Variants in EML1 observed in about 807,000 individuals in gnomAD.
EML1 encodes the protein EMAP like 1, also known as echinoderm microtubule-associated protein-like 1.
EML1 carries 27 observed loss-of-function variants against 110.4 expected under a neutral mutation model. That is an observed-to-expected ratio of 0.24 (90% confidence interval 0.18 to 0.34). EML1 has a LOEUF of 0.34. Ranked by LOEUF, EML1 falls within the 10% of genes least tolerant of loss-of-function variation. EML1 has a pLI of 1.00. For synonymous variants in EML1, 344 were observed against 385.8 expected (o/e 0.89, Z 1.27); for missense variants, 741 against 1,030.9 (o/e 0.72, Z 3.85).
chr14:99,836,660 G>T (rs1292313641), intron 1 of EML1, among the ~76,000 whole-genome samples: 1 of 152,014 alleles, frequency 6.6e-6, no homozygotes, highest in East Asian at 1.9e-4. Flanking sequence ...ATTTATTTTG[G>T]GTCATATTTT....
At chr14:99,759,394 A>T (rs2057290063) in intron 1 of EML1, among the ~76,000 whole-genome samples, 2 of 152,008 alleles carry the variant, frequency 1.3e-5, no homozygotes, top group Non-Finnish European at 2.9e-5. Context: ...GTCCAGCTGC[A>T]CTCACCATCT....
intron 1 of EML1, among the ~76,000 whole-genome samples, chr14:99,818,225 C>T (rs541983813): frequency 2.0e-5 from 3 of 152,042 alleles, no homozygotes; most frequent in South Asian, 4.1e-4. Context: ...ATCAAATCTG[C>T]ACTTTGGAAG....
At chr14:99,874,189 T>A (rs1174864534) in intron 3 of EML1, among the ~76,000 whole-genome samples, 1 of 152,248 alleles carries the variant, frequency 6.6e-6, no homozygotes, top group Non-Finnish European at 1.5e-5. Context: ...CCAGTCTCCC[T>A]GCAGAAATTT....
chr14:99,755,620 C>A (rs1461371224), intron 1 of EML1, among the ~76,000 whole-genome samples: 1 of 152,138 alleles, frequency 6.6e-6, no homozygotes. Flanking sequence ...GGCTGTGTGG[C>A]GCTGGACCAG....
chr14:99,832,538 GTCTTTTTATTTTCAGACCT>G (rs1354666284), intron 1 of EML1, among the ~76,000 whole-genome samples: 1 of 152,174 alleles, frequency 6.6e-6, no homozygotes, highest in Non-Finnish European at 1.5e-5. Flanking sequence ...GGTGTGGTCG[GTCTTTTTATTTTCAGACCT>G]TCTAACGGGC....
chr14:99,781,211 G>A lies in EML1; in HGVS notation c.-27+7198G>A, dbSNP rs187206941. 3.0e-3 allele frequency among the ~76,000 whole-genome samples: 461 copies of A among 152,048 alleles called. 4 individuals carry two copies. Among genetic ancestry groups the A allele is most frequent in the African/African-American group, 0.01 (435 of 41,436 alleles). On this transcript the variant is annotated intron_variant, in intron 1 of 22. Coordinates refer to the EML1 transcript ENST00000327921. This position sits in a 1 kb window ranked among gnomAD's most constrained non-coding sequence, Gnocchi z 4.2. ...TCTAATTCTTTCCTCCTCCCATCAA[G>A]TGTGCTTGGCTCTTCCCCTCCTGAC... is the stretch of plus-strand genomic sequence containing the variant.
At chr14:99,782,536 G>A (rs914072739) in intron 1 of EML1, among the ~76,000 whole-genome samples, 14 of 152,194 alleles carry the variant, frequency 9.2e-5, no homozygotes, top group Non-Finnish European at 1.3e-4. Flanking sequence ...CGAAATGTGT[G>A]AGCCCAGGGT....
chr14:99,772,728 A>G (rs1285226327), upstream of EML1, among the ~76,000 whole-genome samples: 1 of 152,228 alleles, frequency 6.6e-6, no homozygotes, highest in Non-Finnish European at 1.5e-5. Flanking sequence ...TCATATCTAC[A>G]TATAGTATTA....
chr14:99,808,546 T>C (rs2058019734), intron 1 of EML1, among the ~76,000 whole-genome samples: 1 of 152,196 alleles, frequency 6.6e-6, no homozygotes, highest in African/African-American at 2.4e-5. Context: ...TATACGTATT[T>C]AGTGAAAAAC....
intron 1 of EML1, 49 bp downstream of exon 1, chr14:99,793,592 C>T: frequency 3.0e-6 from 3 of 990,338 alleles, no homozygotes; most frequent in Non-Finnish European, 3.6e-6. Context: ...TGGTGGCGGG[C>T]GGCGGCGACG....
chr14:99,874,676 G>GT (rs1406020235), intron 3 of EML1, among the ~76,000 whole-genome samples: 1 of 151,512 alleles, frequency 6.6e-6, no homozygotes, highest in African/African-American at 2.4e-5. Flanking sequence ...GAAATGTCTT[G>GT]TTTTTTATTC....
At chr14:99,823,583 A>G (rs74084773) in intron 1 of EML1, among the ~76,000 whole-genome samples, 11,713 of 152,130 alleles carry the variant, frequency 0.077, 812 homozygotes, top group African/African-American at 0.18. Flanking sequence ...AAGTGCTAGA[A>G]CGTGTTCATT....
intron 1 of EML1, among the ~76,000 whole-genome samples, chr14:99,843,424 AAAC>A (rs59818798): frequency 1.3e-5 from 2 of 151,620 alleles, no homozygotes; most frequent in Admixed American, 1.3e-4. Context: ...TTTTTATTGG[AAAC>A]AACAATAGTA....
intron 17 of EML1, among the ~76,000 whole-genome samples, chr14:99,927,762 GATA>G (rs1404975256): frequency 1.8e-5 from 2 of 109,904 alleles, no homozygotes; most frequent in Admixed American, 1.2e-4. Context: ...CAGTGGTGGT[GATA>G]GTAGTGGTGG....
rs537562274 is a variant in EML1 at position 99,841,797 on chromosome 14, C to T, written c.68-9056C>T. On this transcript the variant is annotated intron_variant, in intron 1 of 21. Coordinates refer to ENST00000262233, the MANE Select transcript of EML1 (RefSeq NM_004434.3). ...GTGCCCATAGAGTCAGCATGTGCTG[C>T]GAGATCACAACGTGGGAGATCGTTC... Among the ~76,000 whole-genome samples the T allele has an allele frequency of 7.2e-5, 11 of 152,228 alleles. No homozygotes were observed. In the East Asian group the frequency reaches 7.7e-4, roughly 11 times the overall value.
intron 1 of EML1, among the ~76,000 whole-genome samples, chr14:99,824,303 G>A (rs116332804): frequency 0.033 from 4,928 of 150,690 alleles, 67 homozygotes; most frequent in African/African-American, 0.044. Context: ...TGTGCTAAGC[G>A]TTATTCTCAC....
In EML1 at chr14:99,878,516, G is replaced by T. The variant is rs1446842936; in HGVS notation, c.415G>T (p.Val139Leu). 10 of 1,614,036 alleles carry T rather than the reference G, an allele frequency of 6.2e-6. No individual in the cohort carries two copies. The highest frequency in any genetic ancestry group is 8.5e-6 in the Non-Finnish European group (10 of 1,179,968). The change falls in exon 4 of 22, where the codon GTG becomes TTG. Residue 139 changes from valine (V) to leucine (L), a missense_variant. Val to Leu is a conservative substitution (Grantham distance 32, BLOSUM62 1). This residue lies in a region of EML1 where 226 missense variants were observed against 255.6 expected (regional missense o/e 0.88). Coordinates refer to ENST00000262233, the MANE Select transcript of EML1 (RefSeq NM_004434.3). Reference sequence around the variant, plus strand: ...CAAGAGGACCAGCTCTTCTGAACGAGTGTCTCCTGGGGGTCGAAGGGAAAG... The same window carrying T: ...CAAGAGGACCAGCTCTTCTGAACGATTGTCTCCTGGGGGTCGAAGGGAAAG... ...NIKRTSSSER[V>L]SPGGRRESNG... is the part of the protein sequence containing the mutation.
intron 1 of EML1, among the ~76,000 whole-genome samples, chr14:99,802,911 A>G (rs1381786517): frequency 6.6e-6 from 1 of 152,050 alleles, no homozygotes; most frequent in Non-Finnish European, 1.5e-5. Context: ...TTAAAAGCTG[A>G]CAGCAGCCCT....
At chr14:99,877,964 G>C (rs1424138862) in intron 3 of EML1, among the ~76,000 whole-genome samples, 3 of 152,196 alleles carry the variant, frequency 2.0e-5, no homozygotes. Flanking sequence ...TCCAACCCAT[G>C]GGCCCATGGG....
Sources: gnomAD v4.1 joint callset for allele counts (sites outside exome capture counted in the v4.1 genomes callset) on GRCh38, gnomAD v4.1.1 for gene constraint, gnomAD v4.1.1 regional missense constraint, Gnocchi (gnomAD v3.1) non-coding constraint, MANE v1.5 for transcripts, NCBI Gene and HGNC (gene_info 2026-07-23, HGNC 2026-07-21) for gene names.